HAP1: variants seen among roughly 807,000 people sequenced by gnomAD.
The protein encoded by HAP1 is huntingtin-associated protein 1.
HAP1 carries 59 observed loss-of-function variants against 60.3 expected under a neutral mutation model. The observed-to-expected ratio is 0.98, with a 90% CI of 0.79 to 1.22. The LOEUF (loss-of-function observed/expected upper bound fraction) is 1.22, where lower values mean the gene tolerates loss of function less well. Ranked by LOEUF, HAP1 falls within the 50% of genes most tolerant of loss-of-function variation. The probability of loss-of-function intolerance (pLI) is 0.00; values close to 1 mark genes in which losing one functional copy is unlikely to be tolerated. For missense variants in HAP1, 825 were observed against 785.3 expected, an observed-to-expected ratio of 1.05 and a Z score of -0.60; for synonymous variants, 346 against 330.6, an observed-to-expected ratio of 1.05 and a Z score of -0.50.
Position 41,725,117 on chromosome 17 carries a change from G to T in HAP1, c.1444C>A (p.Arg482=). ...FRYSEDREQV[R]GFEAEEGLML... ...AACCCTTCCTCAGCCTCAAACCCCC[G>T]CACCTGCTCTCGATCCTCACTGTAG... is the stretch of plus-strand genomic sequence containing the variant. The change falls in exon 11 of 11, where the codon CGG becomes AGG. Residue 482 remains arginine (R), a synonymous_variant. Coordinates refer to ENST00000347901, the MANE Select transcript of HAP1 (RefSeq NM_177977.3). 1 of 1,605,894 alleles carries T rather than the reference G, an allele frequency of 6.2e-7. No homozygotes were observed. The highest frequency in any genetic ancestry group is 8.5e-7 in the Non-Finnish European group (1 of 1,175,184).
rs782338783 is a variant in HAP1 at position 41,734,347 on chromosome 17, C to T, written c.288G>A (p.Met96Ile). 3.7e-6 allele frequency: 6 copies of T among 1,609,548 alleles called. No individual in the cohort carries two copies. The South Asian group carries it at 6.6e-5, about 18-fold the overall frequency. The change falls in exon 1 of 11, where the codon ATG becomes ATA. Residue 96 changes from methionine (M) to isoleucine (I), a missense_variant. Coordinates refer to ENST00000347901, the MANE Select transcript of HAP1 (RefSeq NM_177977.3). Reference sequence around the variant, plus strand: ...TCCACGGCGCGTCCGAATTGTCGGGCATAGACCGGACATCCCCTTGGATGG... The same window carrying T: ...TCCACGGCGCGTCCGAATTGTCGGGTATAGACCGGACATCCCCTTGGATGG... ...FSAIQGDVRS[M>I]PDNSDAPWTR...
Position 41,723,659 on chromosome 17 carries a change from G to A in HAP1, c.*1042C>T, listed in dbSNP as rs529641398. Reference sequence around the variant, plus strand: ...ACGGAAAGTCGCCATTGATAATTATGCAGGTTGCCCCCTGCATGCGCCATA... The same window carrying A: ...ACGGAAAGTCGCCATTGATAATTATACAGGTTGCCCCCTGCATGCGCCATA... On this transcript the variant is annotated 3_prime_UTR_variant, in exon 11 of 11. Coordinates refer to ENST00000347901, the MANE Select transcript of HAP1 (RefSeq NM_177977.3). The A allele has an allele frequency of 6.5e-6, 1 of 152,700 alleles. No individual in the cohort carries two copies. The highest frequency in any genetic ancestry group is 1.9e-4 in the East Asian group (1 of 5,186). 9.5% of individuals were successfully genotyped at this position (152,700 alleles called of 1,614,324 possible).
chr17:41,727,559 G>A, intron 8 of HAP1: 1 of 686,862 alleles, frequency 1.5e-6, no homozygotes, highest in South Asian at 1.6e-5. Context: ...GGGGACCCAG[G>A]GCAGGTCCCT....
At chr17:41,726,288 C>A (rs1173577628) in intron 9 of HAP1, among the ~76,000 whole-genome samples, 6 of 151,922 alleles carry the variant, frequency 3.9e-5, no homozygotes, top group African/African-American at 1.5e-4. Context: ...GTGATGGCCA[C>A]CTGTAGTCCC....
At chr17:41,720,127 G>T (rs1567776140), downstream of HAP1, among the ~76,000 whole-genome samples, 2 of 151,974 alleles carry the variant, frequency 1.3e-5, no homozygotes, top group Non-Finnish European at 2.9e-5. Flanking sequence ...CTGACCTCAT[G>T]ATCCACCCAC....
At chr17:41,718,564 A>G (rs4796687), downstream of HAP1, among the ~76,000 whole-genome samples, 125,726 of 152,062 alleles carry the variant, frequency 0.83, 52,272 homozygotes, top group Middle Eastern at 0.93. Context: ...AGCCTAGGTT[A>G]GACTTCCAAG....
At chr17:41,720,226 G>C (rs1453747445), downstream of HAP1, among the ~76,000 whole-genome samples, 1 of 140,922 alleles carries the variant, frequency 7.1e-6, no homozygotes, top group African/African-American at 2.7e-5. Context: ...ACAGAGTTTC[G>C]CTGTTGTTGC....
At position 41,728,347 on chromosome 17, in the gene HAP1, G is replaced by C; in HGVS notation, c.1070-16C>G. 1.9e-6 allele frequency: 3 copies of C among 1,612,134 alleles called. No individual in the cohort carries two copies. Among genetic ancestry groups the C allele is most frequent in the Non-Finnish European group, 2.5e-6 (3 of 1,179,570 alleles). ...CTGGCCTCCGCTGGGGAGGGCAGAG[G>C]ACAGGTCAGCCCTGGCTCCCCTGGC... On this transcript the variant is annotated splice_polypyrimidine_tract_variant and intron_variant, in intron 6 of 10. Coordinates refer to ENST00000347901, the MANE Select transcript of HAP1 (RefSeq NM_177977.3).
At chr17:41,732,162 A>C (rs1486754073) in intron 3 of HAP1, 44 bp from the exon 4 acceptor site, 1 of 1,609,882 alleles carries the variant, frequency 6.2e-7, no homozygotes, top group Non-Finnish European at 8.5e-7. Flanking sequence ...GTGGGCAGGG[A>C]CAGGAGAGGG....
intron 7 of HAP1, 133 bp from the exon 8 acceptor site, chr17:41,727,969 A>C (rs1422172284): frequency 5.3e-5 from 37 of 699,832 alleles, no homozygotes; most frequent in Non-Finnish European, 8.1e-5. Flanking sequence ...ACACGGAAGG[A>C]GGGCAAAGAA....
Position 41,734,436 on chromosome 17 carries a change from C to A in HAP1, c.199G>T (p.Gly67Ter). 1 of 1,608,554 alleles carries A rather than the reference C, an allele frequency of 6.2e-7. No homozygotes were observed. The highest frequency in any genetic ancestry group is 8.5e-7 in the Non-Finnish European group (1 of 1,176,592). ...GSQFLSEART[G>*]ARPASEAGAK... is the part of the protein sequence containing the mutation. ...CCAGCCTCCGAGGCCGGGCGAGCTC[C>A]GGTGCGGGCTTCCGAGAGGAACTGG... The change falls in exon 1 of 11, where the codon GGA becomes TGA. Residue 67 changes from glycine (G) to a stop codon, truncating the protein, a stop_gained. Coordinates refer to ENST00000347901, the MANE Select transcript of HAP1 (RefSeq NM_177977.3). LOFTEE classifies it high-confidence loss of function.
chr17:41,732,506 T>C, intron 2 of HAP1, 112 bp from the exon 3 acceptor site: 2 of 1,188,544 alleles, frequency 1.7e-6, no homozygotes, highest in Non-Finnish European at 2.4e-6. Context: ...CTGTGGAACC[T>C]GGCTCAGTTT....
chr17:41,731,611 AG>A (rs1555590941), intron 5 of HAP1, 26 bp downstream of exon 5: 1 of 1,603,650 alleles, frequency 6.2e-7, no homozygotes, highest in Non-Finnish European at 8.5e-7. Flanking sequence ...CCCTGCTAGC[AG>A]GGACGCCCTC....
intron 9 of HAP1, among the ~76,000 whole-genome samples, chr17:41,726,600 C>T (rs1262039124): frequency 7.3e-5 from 11 of 150,868 alleles, no homozygotes; most frequent in Admixed American, 2.6e-4. Context: ...TGATGGCTCA[C>T]GCCTGTAATC....
At chr17:41,731,776 G>T in intron 4 of HAP1, 33 bp from the exon 5 acceptor site, 1 of 1,508,070 alleles carries the variant, frequency 6.6e-7, no homozygotes, top group South Asian at 1.1e-5. Flanking sequence ...TCAGGGTGCA[G>T]GGAGTGGGGC....
At position 41,734,507 on chromosome 17, in the gene HAP1, GC is replaced by G; in HGVS notation, c.127del (p.Ala43HisfsTer8). 6.2e-7 allele frequency: 1 copy of G among 1,612,078 alleles called. No individual in the cohort carries two copies. The highest frequency in any genetic ancestry group is 8.5e-7 in the Non-Finnish European group (1 of 1,179,730). On this transcript the variant is annotated frameshift_variant, in exon 1 of 11. Coordinates refer to ENST00000347901, the MANE Select transcript of HAP1 (RefSeq NM_177977.3). LOFTEE classifies it high-confidence loss of function. ...PAPEPSAQPQARGTGQRVGSR... is the reference protein window; with the variant it reads ...PAPEPSAQPQXRGTGQRVGSR... ...TCCTACTCTCTGTCCAGTGCCCCGTGCCTGCGGCTGCGCAGAGGGCTCCGGA... is the reference window on the plus strand; with the variant it reads ...TCCTACTCTCTGTCCAGTGCCCCGTGCTGCGGCTGCGCAGAGGGCTCCGGA...
chr17:41,733,054 G>GGT (rs569480013), intron 1 of HAP1, among the ~76,000 whole-genome samples: 21 of 99,076 alleles, frequency 2.1e-4, no homozygotes, highest in East Asian at 6.4e-4. Flanking sequence ...TTTTTTTTTG[G>GGT]TTTTTTTTTT....
chr17:41,731,569 G>C lies in HAP1; in HGVS notation c.1003-10C>G. 1 of 1,610,234 alleles carries C rather than the reference G, an allele frequency of 6.2e-7. No individual in the cohort carries two copies. The highest frequency in any genetic ancestry group is 8.5e-7 in the Non-Finnish European group (1 of 1,176,420). On this transcript the variant is annotated splice_polypyrimidine_tract_variant and intron_variant, in intron 5 of 10. Coordinates refer to ENST00000347901, the MANE Select transcript of HAP1 (RefSeq NM_177977.3). Reference sequence around the variant, plus strand: ...TGTCGAGTTGAGAGGCCTGGAGGGAGACAAAGAGGAAGGGACAGGGAAGTC... The same window carrying C: ...TGTCGAGTTGAGAGGCCTGGAGGGACACAAAGAGGAAGGGACAGGGAAGTC...
chr17:41,725,142 G>T lies in HAP1; in HGVS notation c.1419C>A (p.Arg473=). 2.5e-6 allele frequency: 4 copies of T among 1,584,892 alleles called. No individual in the cohort carries two copies. The Admixed American group carries it at 6.9e-5, about 27-fold the overall frequency. ...GDTSSLRYDF[R]YSEDREQVRG... The stretch of plus-strand genomic sequence containing the variant: ...GCACCTGCTCTCGATCCTCACTGTA[G>T]CGAAAATCATACCTGGGCGGGAGAT... The change falls in exon 11 of 11, where the codon CGC becomes CGA. Residue 473 remains arginine, a synonymous_variant. Coordinates refer to ENST00000347901, the MANE Select transcript of HAP1 (RefSeq NM_177977.3).
Sources: allele counts gnomAD v4.1 joint callset (sites outside exome capture counted in the v4.1 genomes callset), GRCh38; gene constraint gnomAD v4.1.1; transcripts MANE v1.5; gene names NCBI Gene and HGNC (gene_info 2026-07-23, HGNC 2026-07-21).